The following ABCC2 variants were observed in gnomAD, a reference collection of about 807,000 sequenced individuals.
The protein encoded by ABCC2 is ATP-binding cassette sub-family C member 2.
Under a neutral mutation model 173.4 loss-of-function variants are expected in ABCC2, and 157 were observed. The ratio of observed to expected loss-of-function variants is 0.91; its 90% CI spans 0.80 to 1.03. ABCC2 has a LOEUF of 1.03. Among genes scored for constraint, ABCC2 ranks in the 50% least tolerant of loss-of-function variants. ABCC2 has a pLI of 0.00. For synonymous variants in ABCC2, 657 were observed against 693.5 expected, an observed-to-expected ratio of 0.95 and a Z score of 0.83; for missense variants, 1,822 against 1,852.3, an observed-to-expected ratio of 0.98 and a Z score of 0.30.
rs41318031 is a variant in ABCC2 at position 99,830,862 on chromosome 10, C to T, written c.2883+11C>T. The stretch of plus-strand genomic sequence containing the variant: ...ATAGAAACTGGAAAGGTGAACACCA[C>T]ACAGAAAAGTAGCATTTGAGGTGTT... On this transcript the variant is annotated intron_variant, in intron 21 of 31. Coordinates refer to ENST00000647814, the MANE Select transcript of ABCC2 (RefSeq NM_000392.5). The T allele has an allele frequency of 0.046, 73,734 of 1,613,504 alleles. 1,978 individuals are homozygous for T. Among genetic ancestry groups the T allele is most frequent in the Middle Eastern group, 0.12 (744 of 6,060 alleles).
In ABCC2 at chr10:99,784,636, C is replaced by G. The variant is rs747479981; in HGVS notation, c.62C>G (p.Ala21Gly). The change falls in exon 2 of 32, where the codon GCA (alanine) becomes GGA (glycine). Residue 21 changes from alanine to glycine, a missense_variant. Transcript: ENST00000647814. The stretch of plus-strand genomic sequence containing the variant: ...TCCTCATTCCTGGACAGTCCGGAGG[C>G]AGACCTGCCACTTTGTTTTGAGCAA... ...WNSSFLDSPEADLPLCFEQTV... is the reference protein window; with the variant it reads ...WNSSFLDSPEGDLPLCFEQTV... 10 of 1,614,188 alleles carry G rather than the reference C, an allele frequency of 6.2e-6. No individual in the cohort carries two copies. Among genetic ancestry groups the G allele is most frequent in the Non-Finnish European group, 8.5e-6 (10 of 1,180,030 alleles).
intron 15 of ABCC2, 105 bp downstream of exon 15, chr10:99,811,707 C>A: frequency 1.5e-6 from 2 of 1,311,934 alleles, no homozygotes; most frequent in Non-Finnish European, 2.2e-6. Flanking sequence ...GAGCTATGTG[C>A]ATGTCTTCGG....
Position 99,834,305 on chromosome 10 carries a change from T to C in ABCC2, c.3259-75T>C. On this transcript the variant is annotated intron_variant, in intron 23 of 31. Coordinates refer to ENST00000647814, the MANE Select transcript of ABCC2 (RefSeq NM_000392.5). ...AACACACAGAATCCAACAGATTCCT[T>C]GCTAGAACTAGGAAGATGTAAACTA... The C allele has an allele frequency of 2.7e-6, 4 of 1,465,958 alleles. 1 individual carries two copies. The South Asian group carries it at 4.6e-5, about 17-fold the overall frequency. The allele number at this position is 1,465,958 out of a possible 1,614,324, so 90.8% of individuals were successfully genotyped here. A position where few individuals can be genotyped will look rare whatever the true frequency, so the allele number is the denominator to read the frequency against.
Position 99,818,855 on chromosome 10 carries a change from A to G in ABCC2, c.2337A>G (p.Leu779=), listed in dbSNP as rs1440670479. ...TGGCCAGAGCTACCTACCAAAATTT[A>G]GACATCTATCTTCTAGATGACCCCC... ...ISLARATYQN[L]DIYLLDDPLS... is the part of the protein sequence containing the mutation. Residue 779 remains leucine (L), a synonymous_variant, in exon 18 of 32, where the codon TTA becomes TTG. Transcript: ENST00000647814. 2 of 1,614,226 alleles carry G rather than the reference A, an allele frequency of 1.2e-6. No individual in the cohort carries two copies. The highest frequency in any genetic ancestry group is 4.5e-5 in the East Asian group (2 of 44,884).
chr10:99,789,728 A>G lies in ABCC2; in HGVS notation c.208-2506A>G, dbSNP rs1241968535. On this transcript the variant is annotated intron_variant, in intron 2 of 31. Transcript: ENST00000647814. The stretch of plus-strand genomic sequence containing the variant: ...CCGTCTCAAAAAAAAAAAAAAAAAG[A>G]AAAAGGAAAAGAAAAAGAAAGAAAA... Among the ~76,000 whole-genome samples, 9 of 142,760 alleles carry G rather than the reference A, an allele frequency of 6.3e-5. No homozygotes were observed. The East Asian group carries it at 1.5e-3, about 23-fold the overall frequency. 93.7% of individuals were successfully genotyped at this position (142,760 alleles called of 152,430 possible).
chr10:99,801,210 C>G (rs1447874581), intron 9 of ABCC2, among the ~76,000 whole-genome samples: 5 of 151,970 alleles, frequency 3.3e-5, no homozygotes. Context: ...CCCTCTGATA[C>G]ATTGTTTGTT....
At chr10:99,844,777 C>T (rs1378471086) in intron 28 of ABCC2, among the ~76,000 whole-genome samples, 1 of 152,076 alleles carries the variant, frequency 6.6e-6, no homozygotes, top group Non-Finnish European at 1.5e-5. Context: ...AACAAGGGGG[C>T]GGCCAGGCCT....
At position 99,799,248 on chromosome 10, in the gene ABCC2, AG is replaced by A; in HGVS notation, c.910del (p.Asp304MetfsTer7). 6.2e-7 allele frequency: 1 copy of A among 1,614,194 alleles called. No individual in the cohort carries two copies. Among genetic ancestry groups the A allele is most frequent in the Non-Finnish European group, 8.5e-7 (1 of 1,180,030 alleles). ...KKKKKSGTKK[D>X]VPKSWLMKAL... ...AAAAAAAGAAGTCTGGGACCAAAAA[AG>A]ATGTTCCAAAATCCTGGTTGATGAA... is the stretch of plus-strand genomic sequence containing the variant. On this transcript the variant is annotated frameshift_variant, in exon 8 of 32. Coordinates refer to ENST00000647814, the MANE Select transcript of ABCC2 (RefSeq NM_000392.5). LOFTEE classifies it high-confidence loss of function.
chr10:99,839,277 G>A (rs2038892199), intron 25 of ABCC2, among the ~76,000 whole-genome samples: 1 of 116,080 alleles, frequency 8.6e-6, no homozygotes, highest in Non-Finnish European at 1.9e-5. Flanking sequence ...CGGCTGGCCG[G>A]GCAGAGGGGC....
rs1471660394 is a variant in ABCC2 at position 99,845,629 on chromosome 10, T to C, written c.3993T>C (p.Gly1331=). 6 of 1,613,700 alleles carry C rather than the reference T, an allele frequency of 3.7e-6. No individual in the cohort carries two copies. The highest frequency in any genetic ancestry group is 5.1e-6 in the Non-Finnish European group (6 of 1,179,928). The change falls in exon 29 of 32, where the codon GGT becomes GGC. Residue 1331 remains glycine, a synonymous_variant. Transcript: ENST00000647814. Reference sequence around the variant, plus strand: ...TAAGGGAACTATATTCGCAGATTGGTGTGGTGGGCAGGACAGGAGCTGGAA... The same window carrying C: ...TAAGGGAACTATATTCGCAGATTGGCGTGGTGGGCAGGACAGGAGCTGGAA... ...TCDIGSMEKI[G]VVGRTGAGKS...
In ABCC2 at chr10:99,845,897, C is replaced by G. The variant is rs2039009717; in HGVS notation, c.4146+115C>G. The G allele has an allele frequency of 4.2e-6, 5 of 1,180,016 alleles. No individual in the cohort carries two copies. The South Asian group carries it at 5.2e-5, about 12-fold the overall frequency. 73.1% of individuals were successfully genotyped at this position (1,180,016 alleles called of 1,614,324 possible). A position where few individuals can be genotyped will look rare whatever the true frequency, so the allele number is the denominator to read the frequency against. The stretch of plus-strand genomic sequence containing the variant: ...TCAGCACTGTCAATTCCACGGTCTA[C>G]TCGGGATACTTGAGCTAGTTCCCTA... On this transcript the variant is annotated intron_variant, in intron 29 of 31. Coordinates refer to ENST00000647814, the MANE Select transcript of ABCC2 (RefSeq NM_000392.5).
chr10:99,818,113 C>T (rs973958965), intron 17 of ABCC2, among the ~76,000 whole-genome samples: 2 of 151,944 alleles, frequency 1.3e-5, no homozygotes, highest in African/African-American at 4.8e-5. Flanking sequence ...GTCCCAGCTA[C>T]TCGGGAGGCT....
In ABCC2 at chr10:99,818,781, C is replaced by A. The variant is rs2133078806; in HGVS notation, c.2272-9C>A. 1 of 1,613,930 alleles carries A rather than the reference C, an allele frequency of 6.2e-7. No individual in the cohort carries two copies. The highest frequency in any genetic ancestry group is 1.1e-5 in the South Asian group (1 of 91,078). On this transcript the variant is annotated splice_polypyrimidine_tract_variant and intron_variant, in intron 17 of 31. Transcript: ENST00000647814. ...AGTAGTGCTTAATATGAATTATTTT[C>A]TTCTTCAGGGTATAAATCTTAGTGG... is the stretch of plus-strand genomic sequence containing the variant.
intron 19 of ABCC2, among the ~76,000 whole-genome samples, chr10:99,826,257 A>G (rs1395571589): frequency 2.0e-5 from 3 of 152,340 alleles, no homozygotes; most frequent in Admixed American, 2.0e-4. Flanking sequence ...AGCTTTATGC[A>G]TAGCTCCTCT....
chr10:99,789,760 G>A (rs183003406), intron 2 of ABCC2, among the ~76,000 whole-genome samples: 1 of 101,450 alleles, frequency 9.9e-6, no homozygotes, highest in Non-Finnish European at 2.1e-5. Context: ...AAAAGGAAAG[G>A]TGGAGGAAAA....
chr10:99,841,970 G>A lies in ABCC2; in HGVS notation c.3618G>A (p.Trp1206Ter). 1 of 1,614,164 alleles carries A rather than the reference G, an allele frequency of 6.2e-7. No individual in the cohort carries two copies. Among genetic ancestry groups the A allele is most frequent in the Non-Finnish European group, 8.5e-7 (1 of 1,180,014 alleles). The change falls in exon 26 of 32, where the codon TGG (tryptophan) becomes TGA (stop). Residue 1206 changes from tryptophan to a stop codon, truncating the protein, a stop_gained. Coordinates refer to ENST00000647814, the MANE Select transcript of ABCC2 (RefSeq NM_000392.5). LOFTEE classifies it high-confidence loss of function. Reference sequence around the variant, plus strand: ...CTCTGGTTCTGTTGCCCCACAGGTGGCTTGCAATTCGCCTGGAGCTGGTTG... The same window carrying A: ...CTCTGGTTCTGTTGCCCCACAGGTGACTTGCAATTCGCCTGGAGCTGGTTG... The part of the protein sequence containing the change: ...CVFSWITSNR[W>*]LAIRLELVGN...
intron 30 of ABCC2, 108 bp downstream of exon 30, chr10:99,847,235 T>A: frequency 5.5e-6 from 7 of 1,272,726 alleles, no homozygotes; most frequent in Non-Finnish European, 7.9e-6. Context: ...TTCATCCAGG[T>A]CTGATTCCTA....
Position 99,799,262 on chromosome 10 carries a change from C to T in ABCC2, c.923C>T (p.Ser308Phe). Reference sequence around the variant, plus strand: ...GGGACCAAAAAAGATGTTCCAAAATCCTGGTTGATGAAGGCTCTGTTCAAA... The same window carrying T: ...GGGACCAAAAAAGATGTTCCAAAATTCTGGTTGATGAAGGCTCTGTTCAAA... ...KSGTKKDVPK[S>F]WLMKALFKTF... The change falls in exon 8 of 32, where the codon TCC becomes TTC. Residue 308 changes from serine to phenylalanine, a missense_variant. Physicochemically the swap from Ser to Phe is radical, Grantham distance 155 (BLOSUM62 -2). Coordinates refer to ENST00000647814, the MANE Select transcript of ABCC2 (RefSeq NM_000392.5). 6.2e-6 allele frequency: 10 copies of T among 1,614,132 alleles called. No homozygotes were observed. Among genetic ancestry groups the T allele is most frequent in the Non-Finnish European group, 8.5e-6 (10 of 1,180,006 alleles).
chr10:99,831,944 G>T, intron 22 of ABCC2, 33 bp from the exon 23 acceptor site: 4 of 1,614,170 alleles, frequency 2.5e-6, no homozygotes, highest in Non-Finnish European at 3.4e-6. Flanking sequence ...GGATTCCTGT[G>T]CATGGTGCTG....
Sources: allele counts gnomAD v4.1 joint callset (sites outside exome capture counted in the v4.1 genomes callset), GRCh38; gene constraint gnomAD v4.1.1; transcripts MANE v1.5; gene names NCBI Gene and HGNC (gene_info 2026-07-23, HGNC 2026-07-21).